Variants in LHPP observed in about 807,000 individuals in gnomAD.
LHPP encodes the protein phospholysine phosphohistidine inorganic pyrophosphate phosphatase.
In LHPP, 24 loss-of-function variants were observed where a neutral mutation model predicts 30.3. The observed-to-expected ratio is 0.79, with a 90% confidence interval of 0.57 to 1.11. The LOEUF (loss-of-function observed/expected upper bound fraction) is 1.11, where lower values mean the gene tolerates loss of function less well. LHPP is among the 50% of genes most tolerant of loss of function. LHPP has a pLI of 0.00. For synonymous variants in LHPP, 150 were observed against 157.1 expected (o/e 0.95, Z 0.34); for missense variants, 356 against 367.2 (o/e 0.97, Z 0.25).
intron 6 of LHPP, among the ~76,000 whole-genome samples, chr10:124,591,323 G>T (rs1286355609): frequency 2.0e-5 from 3 of 152,150 alleles, no homozygotes; most frequent in African/African-American, 7.2e-5. Flanking sequence ...CTCTTCCACA[G>T]GTGCAGGCCT....
At chr10:124,536,415 A>G (rs1360401867) in intron 6 of LHPP, among the ~76,000 whole-genome samples, 1 of 152,198 alleles carries the variant, frequency 6.6e-6, no homozygotes, top group East Asian at 1.9e-4. Flanking sequence ...CACCCCAGCC[A>G]GGCTGGATGG....
At chr10:124,550,400 T>A (rs1015512249) in intron 6 of LHPP, among the ~76,000 whole-genome samples, 1 of 152,212 alleles carries the variant, frequency 6.6e-6, no homozygotes, top group Admixed American at 6.5e-5. Context: ...AGAGGGCCTG[T>A]CCTCCTTTGC....
In LHPP at chr10:124,576,742, C is replaced by G. The variant is rs1486537449; in HGVS notation, c.717-36522C>G. Among the ~76,000 whole-genome samples, 1 of 152,040 alleles carries G rather than the reference C, an allele frequency of 6.6e-6. No homozygotes were observed. Among genetic ancestry groups the G allele is most frequent in the Admixed American group, 6.5e-5 (1 of 15,272 alleles). On this transcript the variant is annotated intron_variant, in intron 6 of 6. Transcript: ENST00000368842. This position sits in a 1 kb window ranked among gnomAD's most constrained non-coding sequence, Gnocchi z 4.2. ...GGGGGCTGAGGGGGGTTCTTTAGGGCAGGAGTTACCTGCCCTGTAGACGGG... is the reference window on the plus strand; with the variant it reads ...GGGGGCTGAGGGGGGTTCTTTAGGGGAGGAGTTACCTGCCCTGTAGACGGG...
chr10:124,472,813 T>TGG (rs1952825075), intron 1 of LHPP, among the ~76,000 whole-genome samples: 3 of 152,136 alleles, frequency 2.0e-5, no homozygotes, highest in African/African-American at 7.2e-5. Flanking sequence ...CCGCCTCAGC[T>TGG]TCCCAAAGTG....
intron 6 of LHPP, among the ~76,000 whole-genome samples, chr10:124,528,042 T>TACAGGGGAGCCGCTGC (rs11269860): frequency 2.0e-5 from 3 of 151,668 alleles, no homozygotes; most frequent in South Asian, 2.1e-4. Context: ...GTGCTGGGAT[T>TACAGGGGAGCCGCTGC]ACCCGGCTTG....
intron 5 of LHPP, among the ~76,000 whole-genome samples, chr10:124,501,177 T>C (rs11245241): frequency 0.043 from 6,599 of 151,950 alleles, 396 homozygotes; most frequent in African/African-American, 0.11. Context: ...TATTCTTCCA[T>C]GTATAGCAAA....
At chr10:124,557,643 T>C (rs1948325701) in intron 6 of LHPP, among the ~76,000 whole-genome samples, 1 of 152,198 alleles carries the variant, frequency 6.6e-6, no homozygotes, top group Admixed American at 6.5e-5. Context: ...GGTGCAGGTC[T>C]TGGGGTGAGG....
chr10:124,498,184 T>C, intron 5 of LHPP, 56 bp downstream of exon 5: 3 of 1,339,070 alleles, frequency 2.2e-6, no homozygotes, highest in Non-Finnish European at 3.1e-6. Context: ...AGGGAGGCCC[T>C]GGAGCTTGGA....
intron 5 of LHPP, among the ~76,000 whole-genome samples, chr10:124,512,572 G>A (rs982327295): frequency 6.9e-5 from 10 of 144,638 alleles, no homozygotes; most frequent in Non-Finnish European, 1.0e-4. Context: ...AGCCGAGATC[G>A]CGCCACTGCA....
chr10:124,495,095 G>A lies in LHPP; in HGVS notation c.468-1866G>A, dbSNP rs140361188. Among the ~76,000 whole-genome samples the A allele has an allele frequency of 1.1e-3, 170 of 152,332 alleles. No homozygotes were observed. In the East Asian group the frequency reaches 0.03, roughly 27 times the overall value. On this transcript the variant is annotated intron_variant, in intron 3 of 6. Transcript: ENST00000368842. ...CAGTACTTTTTTAGGCCATGTAAAT[G>A]CAAAATATACATTTGAAGTCTGCGT...
chr10:124,522,850 G>A (rs1745155582), intron 6 of LHPP, among the ~76,000 whole-genome samples: 1 of 152,184 alleles, frequency 6.6e-6, no homozygotes, highest in Admixed American at 6.5e-5. Flanking sequence ...GTAGAGGGAA[G>A]GGACGTTTTG....
intron 6 of LHPP, among the ~76,000 whole-genome samples, chr10:124,586,109 T>C (rs1376738291): frequency 6.6e-6 from 1 of 152,122 alleles, no homozygotes; most frequent in East Asian, 1.9e-4. Flanking sequence ...AAAACAACAT[T>C]GTGTAGGAAA....
Position 124,596,079 on chromosome 10 carries a change from A to G in LHPP, c.717-17185A>G, listed in dbSNP as rs1321676899. 6.6e-6 allele frequency among the ~76,000 whole-genome samples: 1 copy of G among 152,174 alleles called. No individual in the cohort carries two copies. The highest frequency in any genetic ancestry group is 1.5e-5 in the Non-Finnish European group (1 of 68,034). ...TCATTTCATCCGTGTTGTTCTGTGC[A>G]GCCAGACTCCATCCTACGGCATCCG... On this transcript the variant is annotated intron_variant, in intron 6 of 6. Transcript: ENST00000368842. The surrounding 1 kb of genome is among the most constrained non-coding windows in gnomAD (Gnocchi z 4.6).
intron 3 of LHPP, among the ~76,000 whole-genome samples, chr10:124,495,307 A>C (rs1953669920): frequency 6.6e-6 from 1 of 152,118 alleles, no homozygotes; most frequent in Admixed American, 6.6e-5. Flanking sequence ...GGAGAGTCCC[A>C]AGCCCACGTC....
intron 6 of LHPP, among the ~76,000 whole-genome samples, chr10:124,594,924 C>T (rs1044424243): frequency 1.3e-5 from 2 of 152,216 alleles, no homozygotes; most frequent in African/African-American, 4.8e-5. Flanking sequence ...AGCCACCGCA[C>T]CCAGCCCCTT....
intron 1 of LHPP, among the ~76,000 whole-genome samples, chr10:124,480,383 TAA>T (rs1444367795): frequency 6.6e-6 from 1 of 152,214 alleles, no homozygotes; most frequent in Non-Finnish European, 1.5e-5. Context: ...GCCAGTGGCT[TAA>T]GAGTCCCAAA....
At chr10:124,494,355 C>T (rs1033590353) in intron 3 of LHPP, among the ~76,000 whole-genome samples, 1 of 152,144 alleles carries the variant, frequency 6.6e-6, no homozygotes, top group Non-Finnish European at 1.5e-5. Flanking sequence ...CAGAAGCCCC[C>T]AGAATCCTCA....
intron 1 of LHPP, among the ~76,000 whole-genome samples, chr10:124,466,647 G>T (rs1019241681): frequency 2.0e-5 from 3 of 151,774 alleles, no homozygotes; most frequent in African/African-American, 4.8e-5. Context: ...AGTAGAGATG[G>T]GGTTTTGCCA....
At chr10:124,534,247 C>T (rs1259480307) in intron 6 of LHPP, among the ~76,000 whole-genome samples, 1 of 152,248 alleles carries the variant, frequency 6.6e-6, no homozygotes, top group Non-Finnish European at 1.5e-5. Context: ...TTTGGCATGG[C>T]CGTCTTTCCT....
Sources: allele counts gnomAD v4.1 joint callset (sites outside exome capture counted in the v4.1 genomes callset), GRCh38; gene constraint gnomAD v4.1.1; non-coding constraint Gnocchi (gnomAD v3.1); transcripts MANE v1.5; gene names NCBI Gene and HGNC (gene_info 2026-07-23, HGNC 2026-07-21).